CLSTN2: variants seen among roughly 807,000 people sequenced by gnomAD.
The protein encoded by CLSTN2 is calsyntenin 2.
In CLSTN2, 48 loss-of-function variants were observed where a neutral mutation model predicts 101.2. The ratio of observed to expected loss-of-function variants is 0.47; its 90% CI spans 0.38 to 0.60. The LOEUF (loss-of-function observed/expected upper bound fraction) is 0.60. CLSTN2 is among the 20% of genes least tolerant of loss of function. The probability of loss-of-function intolerance (pLI) is 0.00; values close to 1 mark genes in which losing one functional copy is unlikely to be tolerated. For missense variants in CLSTN2, 1,160 were observed against 1,238.2 expected, an observed-to-expected ratio of 0.94 and a Z score of 0.95; for synonymous variants, 481 against 463.6, an observed-to-expected ratio of 1.04 and a Z score of -0.48.
chr3:140,233,258 G>T (rs138034781), intron 2 of CLSTN2, among the ~76,000 whole-genome samples: 7 of 152,218 alleles, frequency 4.6e-5, no homozygotes, highest in African/African-American at 1.7e-4. Flanking sequence ...TGCTCACTCT[G>T]CTCCACTGAC....
chr3:140,149,962 A>G (rs918324340), intron 1 of CLSTN2, among the ~76,000 whole-genome samples: 2 of 152,176 alleles, frequency 1.3e-5, no homozygotes, highest in African/African-American at 4.8e-5. Context: ...ACCTACTTGT[A>G]TCATGGGGCA....
chr3:140,241,315 A>G (rs536036864), intron 2 of CLSTN2, among the ~76,000 whole-genome samples: 1 of 152,298 alleles, frequency 6.6e-6, no homozygotes, highest in South Asian at 2.1e-4. Context: ...TTCTAAGGGT[A>G]AGTCCATGTT....
chr3:140,125,610 C>T (rs971573072), intron 1 of CLSTN2, among the ~76,000 whole-genome samples: 4 of 151,846 alleles, frequency 2.6e-5, no homozygotes, highest in Non-Finnish European at 5.9e-5. Context: ...AAGGTGTGAA[C>T]TAATCACATG....
intron 1 of CLSTN2, among the ~76,000 whole-genome samples, chr3:140,074,296 C>T (rs1480223998): frequency 6.6e-6 from 1 of 152,166 alleles, no homozygotes; most frequent in Non-Finnish European, 1.5e-5. Flanking sequence ...TGCCTCCCCC[C>T]ACCCCCCAAC....
At chr3:140,546,839 G>A (rs551546969) in intron 10 of CLSTN2, among the ~76,000 whole-genome samples, 158 bp downstream of exon 10, 1 of 152,282 alleles carries the variant, frequency 6.6e-6, no homozygotes, top group East Asian at 1.9e-4. Flanking sequence ...TCCGGAGGGA[G>A]ATTAGTAACC....
At chr3:140,192,940 A>G (rs1177289047) in intron 2 of CLSTN2, among the ~76,000 whole-genome samples, 1 of 151,816 alleles carries the variant, frequency 6.6e-6, no homozygotes, top group East Asian at 1.9e-4. Context: ...TTTTGAGTGT[A>G]TCTTTTTGTA....
At chr3:140,064,357 C>G (rs2008262354) in intron 1 of CLSTN2, among the ~76,000 whole-genome samples, 1 of 152,192 alleles carries the variant, frequency 6.6e-6, no homozygotes, top group Admixed American at 6.5e-5. Context: ...GCCACTTCAC[C>G]TCATCATGCT....
At chr3:140,419,366 C>T (rs2088467375) in intron 4 of CLSTN2, among the ~76,000 whole-genome samples, 1 of 146,726 alleles carries the variant, frequency 6.8e-6, no homozygotes, top group African/African-American at 2.6e-5. Flanking sequence ...ACCTATAGTC[C>T]CAGTACTTGG....
intron 9 of CLSTN2, among the ~76,000 whole-genome samples, chr3:140,543,058 C>G (rs1330178646): frequency 2.6e-5 from 4 of 152,154 alleles, no homozygotes; most frequent in African/African-American, 9.7e-5. Context: ...ATCTACCTCA[C>G]AACAGTTTTA....
chr3:140,301,529 A>G (rs1297616717), intron 2 of CLSTN2, among the ~76,000 whole-genome samples: 1 of 152,176 alleles, frequency 6.6e-6, no homozygotes, highest in African/African-American at 2.4e-5. Context: ...CTTTTATAAA[A>G]CTTCACTGTT....
At chr3:140,534,578 G>A (rs763692242) in intron 9 of CLSTN2, among the ~76,000 whole-genome samples, 88 of 152,250 alleles carry the variant, frequency 5.8e-4, no homozygotes, top group Non-Finnish European at 1.1e-3. Context: ...GCTCTTTTCC[G>A]CCTTATCCAC....
chr3:139,994,391 T>C (rs558612353), intron 1 of CLSTN2, among the ~76,000 whole-genome samples: 2 of 152,334 alleles, frequency 1.3e-5, no homozygotes, highest in South Asian at 4.1e-4. Context: ...ACCTTGGTAG[T>C]CATCATACCC....
intron 5 of CLSTN2, among the ~76,000 whole-genome samples, chr3:140,434,251 G>A (rs1201601659): frequency 2.0e-5 from 3 of 152,182 alleles, no homozygotes; most frequent in South Asian, 2.1e-4. Flanking sequence ...CGAGCTGGCC[G>A]AGGTTGGCCC....
chr3:140,194,448 G>A (rs2010615321), intron 2 of CLSTN2, among the ~76,000 whole-genome samples: 1 of 151,990 alleles, frequency 6.6e-6, no homozygotes, highest in East Asian at 1.9e-4. Context: ...AGGAAATGGG[G>A]GGACATAAAC....
chr3:140,052,210 G>A (rs897865594), intron 1 of CLSTN2, among the ~76,000 whole-genome samples: 1 of 152,136 alleles, frequency 6.6e-6, no homozygotes, highest in African/African-American at 2.4e-5. Flanking sequence ...CCAGGCTGGA[G>A]TGTAATGGCA....
chr3:140,107,417 C>A (rs972114223), intron 1 of CLSTN2, among the ~76,000 whole-genome samples: 1 of 152,122 alleles, frequency 6.6e-6, no homozygotes, highest in Non-Finnish European at 1.5e-5. Context: ...CTCTTTGACA[C>A]CCAAGAACAA....
chr3:140,531,454 T>C (rs949161767), intron 8 of CLSTN2, among the ~76,000 whole-genome samples: 1 of 152,188 alleles, frequency 6.6e-6, no homozygotes, highest in African/African-American at 2.4e-5. Flanking sequence ...GCCCTCACCT[T>C]GGGGTCACCT....
intron 2 of CLSTN2, among the ~76,000 whole-genome samples, chr3:140,368,800 T>A (rs1249270931): frequency 1.3e-5 from 2 of 152,196 alleles, no homozygotes; most frequent in Non-Finnish European, 1.5e-5. Flanking sequence ...ACTCTGTGAC[T>A]TTTTGTGTGA....
chr3:140,497,347 G>A (rs991911328), intron 8 of CLSTN2, among the ~76,000 whole-genome samples: 3 of 152,090 alleles, frequency 2.0e-5, no homozygotes, highest in Non-Finnish European at 4.4e-5. Context: ...GGGAGGCCCC[G>A]CCCAGTCAGG....
Sources: gnomAD v4.1 joint callset for allele counts (sites outside exome capture counted in the v4.1 genomes callset) on GRCh38, gnomAD v4.1.1 for gene constraint, MANE v1.5 for transcripts, NCBI Gene and HGNC (gene_info 2026-07-23, HGNC 2026-07-21) for gene names.